Variants in PPP2R1B observed in about 807,000 individuals in gnomAD.
PPP2R1B encodes serine/threonine-protein phosphatase 2A 65 kDa regulatory subunit A beta isoform.
PPP2R1B carries 58 observed loss-of-function variants against 72.7 expected under a neutral mutation model. The ratio of observed to expected loss-of-function variants is 0.80; its 90% CI spans 0.65 to 0.99. The LOEUF is 0.99. Among genes scored for constraint, PPP2R1B ranks in the 50% least tolerant of loss-of-function variants. PPP2R1B has a pLI of 0.00. For synonymous variants in PPP2R1B, 256 were observed against 264.6 expected, an observed-to-expected ratio of 0.97 and a Z score of 0.32; for missense variants, 695 against 733.6, an observed-to-expected ratio of 0.95 and a Z score of 0.61.
intron 10 of PPP2R1B, among the ~76,000 whole-genome samples, chr11:111,749,849 TA>T (rs1944838012): frequency 6.6e-6 from 1 of 152,184 alleles, no homozygotes. Flanking sequence ...CTGCTCTCTA[TA>T]GAGCTAGCAA....
the PPP2R1B span, among the ~76,000 whole-genome samples, chr11:111,712,741 T>C: frequency 6.6e-6 from 1 of 152,362 alleles, no homozygotes; most frequent in East Asian, 1.9e-4. Context: ...AAATTAACTT[T>C]CATGCCAAAT....
chr11:111,701,532 G>A, the PPP2R1B span: 3 of 1,613,724 alleles, frequency 1.9e-6, no homozygotes, highest in African/African-American at 2.7e-5. This position sits in a 1 kb window ranked among gnomAD's most constrained non-coding sequence, Gnocchi z 4.2. Flanking sequence ...TGAGGCAGAG[G>A]GTTCTGGAAG....
intron 2 of PPP2R1B, 132 bp from the exon 3 acceptor site, chr11:111,765,037 T>C: frequency 7.0e-7 from 1 of 1,427,286 alleles, no homozygotes; most frequent in Non-Finnish European, 9.3e-7. Context: ...GCATTTTCTT[T>C]CTTCTCAACC....
At chr11:111,705,590 CAG>C in the PPP2R1B span, among the ~76,000 whole-genome samples, 1 of 152,106 alleles carries the variant, frequency 6.6e-6, no homozygotes, top group South Asian at 2.1e-4. This position sits in a 1 kb window ranked among gnomAD's most constrained non-coding sequence, Gnocchi z 4.3. Flanking sequence ...AGAGCAGGGA[CAG>C]GGGAGAGAGG....
At chr11:111,696,917 A>G in the PPP2R1B span, among the ~76,000 whole-genome samples, 1 of 152,178 alleles carries the variant, frequency 6.6e-6, no homozygotes, top group Non-Finnish European at 1.5e-5. Context: ...ACTTCACTAT[A>G]TGCATTTAGG....
At chr11:111,764,021 A>G (rs1945428087) in intron 3 of PPP2R1B, among the ~76,000 whole-genome samples, 4 of 151,674 alleles carry the variant, frequency 2.6e-5, no homozygotes, top group Admixed American at 2.6e-4. Context: ...CAACTGTTGA[A>G]TTCCTGGTCA....
the PPP2R1B span, among the ~76,000 whole-genome samples, chr11:111,711,605 T>C: frequency 6.6e-6 from 1 of 152,168 alleles, no homozygotes; most frequent in Non-Finnish European, 1.5e-5. Context: ...GCAGGCTGAG[T>C]CCAGGCTGTG....
chr11:111,754,193 A>G (rs1945016537), intron 8 of PPP2R1B, among the ~76,000 whole-genome samples: 2 of 152,234 alleles, frequency 1.3e-5, no homozygotes, highest in African/African-American at 4.8e-5. Flanking sequence ...CTTGGATTAC[A>G]GGCATGTACC....
intron 9 of PPP2R1B, among the ~76,000 whole-genome samples, chr11:111,752,844 T>A (rs1303968536): frequency 6.6e-6 from 1 of 152,114 alleles, no homozygotes; most frequent in Non-Finnish European, 1.5e-5. Context: ...GCGCCTGTAG[T>A]CCCAGCTACT....
At chr11:111,764,593 AAGG>A (rs1472145339) in intron 3 of PPP2R1B, among the ~76,000 whole-genome samples, 1 of 152,136 alleles carries the variant, frequency 6.6e-6, no homozygotes, top group Non-Finnish European at 1.5e-5. Flanking sequence ...AGACGCAGAA[AAGG>A]AGGACGAAGT....
In PPP2R1B at chr11:111,766,309, C is replaced by G. The variant is rs1474387772; in HGVS notation, c.53G>C (p.Gly18Ala). 4 of 1,575,784 alleles carry G rather than the reference C, an allele frequency of 2.5e-6. No individual in the cohort carries two copies. In the Admixed American group the frequency reaches 7.1e-5, roughly 28 times the overall value. The part of the protein sequence containing the change: ...GTGPGAAGGD[G>A]DDSLYPIAVL... Reference sequence around the variant, plus strand: ...CGCGATCGGGTATAGCGAATCATCTCCATCTCCACCCGCTGCTCCTGGGCC... The same window carrying G: ...CGCGATCGGGTATAGCGAATCATCTGCATCTCCACCCGCTGCTCCTGGGCC... The change falls in exon 1 of 15, where the codon GGA becomes GCA. Residue 18 changes from glycine (G) to alanine (A), a missense_variant. Transcript: ENST00000527614.
At chr11:111,747,427 T>C (rs1272725558) in intron 11 of PPP2R1B, among the ~76,000 whole-genome samples, 1 of 152,196 alleles carries the variant, frequency 6.6e-6, no homozygotes, top group Non-Finnish European at 1.5e-5. Context: ...GCAGTAAGCC[T>C]TCCTTTCACC....
chr11:111,734,198 G>A (rs1022200733), downstream of PPP2R1B, among the ~76,000 whole-genome samples: 1 of 152,170 alleles, frequency 6.6e-6, no homozygotes, highest in Non-Finnish European at 1.5e-5. Context: ...TTTAACTCTT[G>A]CCTGCCCCAA....
At chr11:111,716,542 G>A in the PPP2R1B span, among the ~76,000 whole-genome samples, 204 of 152,048 alleles carry the variant, frequency 1.3e-3, no homozygotes, top group Admixed American at 3.1e-3. Flanking sequence ...GCACCACTGC[G>A]CTCCAGCCTG....
chr11:111,757,265 C>T (rs527725004), intron 5 of PPP2R1B, among the ~76,000 whole-genome samples: 28 of 152,144 alleles, frequency 1.8e-4, no homozygotes, highest in African/African-American at 6.5e-4. Flanking sequence ...TAAGTGTGTA[C>T]AATAACAGTT....
At chr11:111,754,871 C>T in intron 7 of PPP2R1B, 109 bp downstream of exon 7, 4 of 1,004,148 alleles carry the variant, frequency 4.0e-6, no homozygotes, top group Non-Finnish European at 5.8e-6. Context: ...AAAAACATCC[C>T]TATGTATTTT....
At chr11:111,735,766 G>A (rs952348234), downstream of PPP2R1B, among the ~76,000 whole-genome samples, 1 of 152,172 alleles carries the variant, frequency 6.6e-6, no homozygotes, top group Non-Finnish European at 1.5e-5. Context: ...ACAGCAGCGC[G>A]CTCACGCTCA....
At chr11:111,728,816 C>CA (rs919225917) in intron 15 of PPP2R1B, 4 of 151,098 alleles carry the variant, frequency 2.6e-5, no homozygotes, top group Non-Finnish European at 1.5e-5. Context: ...TCCAGCTACT[C>CA]GGGAGGCTGA....
the PPP2R1B span, among the ~76,000 whole-genome samples, chr11:111,691,166 A>C: frequency 2.0e-5 from 3 of 152,090 alleles, no homozygotes; most frequent in Non-Finnish European, 2.9e-5. Flanking sequence ...AGTGTTTCTG[A>C]TGTCATTGTG....
Sources: gnomAD v4.1 joint callset for allele counts (sites outside exome capture counted in the v4.1 genomes callset) on GRCh38, gnomAD v4.1.1 for gene constraint, Gnocchi (gnomAD v3.1) non-coding constraint, MANE v1.5 for transcripts, NCBI Gene and HGNC (gene_info 2026-07-23, HGNC 2026-07-21) for gene names.